PEX2: variants seen among roughly 807,000 people sequenced by gnomAD.
PEX2 encodes the protein peroxisomal biogenesis factor 2.
PEX2 carries 19 observed loss-of-function variants against 25.2 expected under a neutral mutation model. The ratio of observed to expected loss-of-function variants is 0.75; its 90% CI spans 0.53 to 1.10. PEX2 has a LOEUF of 1.10. PEX2 is among the 50% of genes least tolerant of loss of function. The probability of loss-of-function intolerance (pLI) is 0.00; values close to 1 mark genes in which losing one functional copy is unlikely to be tolerated. For missense variants in PEX2, 347 were observed against 350.6 expected, an observed-to-expected ratio of 0.99 and a Z score of 0.08; for synonymous variants, 141 against 127.7, an observed-to-expected ratio of 1.10 and a Z score of -0.70.
At chr8:76,984,312 G>A (rs1215079221) in intron 3 of PEX2, 117 bp from the exon 4 acceptor site, 17 of 747,922 alleles carry the variant, frequency 2.3e-5, no homozygotes, top group Admixed American at 7.2e-5. Flanking sequence ...GGCGATGAGC[G>A]TTTCAGTAGT....
In PEX2 at chr8:76,981,406, T is replaced by C. The variant is rs2132040227; in HGVS notation, c.*1855A>G. 1.3e-5 allele frequency: 2 copies of C among 152,324 alleles called. No homozygotes were observed. Among genetic ancestry groups the C allele is most frequent in the East Asian group, 1.9e-4 (1 of 5,174 alleles). The allele number at this position is 152,324 out of a possible 1,614,324, so 9.4% of individuals were successfully genotyped here. On this transcript the variant is annotated 3_prime_UTR_variant, in exon 4 of 4. Coordinates refer to ENST00000357039, the MANE Select transcript of PEX2 (RefSeq NM_000318.3). ...GAGCCCTGGGAGGGAAAGGCTGCGG[T>C]TAGCCATGATCACACCACTGCACTC...
chr8:76,983,835 C>T lies in PEX2; in HGVS notation c.344G>A (p.Trp115Ter), dbSNP rs749021234. The T allele has an allele frequency of 6.2e-7, 1 of 1,614,068 alleles. No homozygotes were observed. Among genetic ancestry groups the T allele is most frequent in the South Asian group, 1.1e-5 (1 of 91,066 alleles). Residue 115 changes from tryptophan to a stop codon, truncating the protein, a stop_gained, in exon 4 of 4, where the codon TGG becomes TAG. Coordinates refer to ENST00000357039, the MANE Select transcript of PEX2 (RefSeq NM_000318.3). LOFTEE classifies it high-confidence loss of function. Reference protein sequence around the residue: ...WYAVCTIGGRWLEERCYDLFR... With the variant: ...WYAVCTIGGR ...CAAATCATAGCATCGTTCTTCTAAC[C>T]ACCTGCCACCAATTGTACAAACAGC... is the stretch of plus-strand genomic sequence containing the variant.
chr8:76,990,515 T>G (rs1035849829), intron 1 of PEX2, among the ~76,000 whole-genome samples: 2 of 152,208 alleles, frequency 1.3e-5, no homozygotes, highest in South Asian at 2.1e-4. Context: ...GATTTTGATT[T>G]AAAGTGAGAG....
intron 1 of PEX2, among the ~76,000 whole-genome samples, chr8:76,997,329 T>C (rs992111059): frequency 1.3e-5 from 2 of 152,118 alleles, no homozygotes; most frequent in East Asian, 3.9e-4. Flanking sequence ...AAAAGACAAG[T>C]GGGCCGAGGT....
intron 1 of PEX2, among the ~76,000 whole-genome samples, chr8:76,993,747 C>T (rs1807241351): frequency 6.6e-6 from 1 of 152,120 alleles, no homozygotes; most frequent in Non-Finnish European, 1.5e-5. Flanking sequence ...TCCTATTCTA[C>T]CTTTTCATAC....
Position 77,000,013 on chromosome 8 carries a change from C to A in PEX2, c.-183G>T, listed in dbSNP as rs568404564. ...ACCTTAGGAGTCTGCGAAACGCCCA[C>A]GCTCCACGTAACTTTCTCTGAAACA... is the stretch of plus-strand genomic sequence containing the variant. On this transcript the variant is annotated 5_prime_UTR_variant, in exon 1 of 4. Coordinates refer to ENST00000357039, the MANE Select transcript of PEX2 (RefSeq NM_000318.3). 1.4e-3 allele frequency: 653 copies of A among 454,648 alleles called. 1 individual carries two copies. Among genetic ancestry groups the A allele is most frequent in the Non-Finnish European group, 2.3e-3 (520 of 226,144 alleles). The allele number at this position is 454,648 out of a possible 1,614,324, so 28.2% of individuals were successfully genotyped here. A position where few individuals can be genotyped will look rare whatever the true frequency, so the allele number is the denominator to read the frequency against.
chr8:76,985,690 T>TTTTAA lies in PEX2; in HGVS notation c.-18+496_-18+497insTTAAA, dbSNP rs1563607901. On this transcript the variant is annotated intron_variant, in intron 3 of 3. Transcript: ENST00000357039. Reference sequence around the variant, plus strand: ...GGCTTGATTATCATGTCTAGGCCTTTAAAAAGCCAATACCCTAACAGAAAG... The same window carrying TTTTAA: ...GGCTTGATTATCATGTCTAGGCCTTTTTTAAAAAAAGCCAATACCCTAACAGAAAG... Among the ~76,000 whole-genome samples the TTTTAA allele has an allele frequency of 1.6e-4, 24 of 152,270 alleles. No individual in the cohort carries two copies. The South Asian group carries it at 4.8e-3, about 30-fold the overall frequency.
At chr8:76,988,241 GCTC>G (rs1807062313) in intron 2 of PEX2, 63 bp downstream of exon 2, 1 of 152,134 alleles carries the variant, frequency 6.6e-6, no homozygotes, top group Non-Finnish European at 1.5e-5. Flanking sequence ...TGTGGTCTCT[GCTC>G]CTCTAGTCTA....
intron 1 of PEX2, among the ~76,000 whole-genome samples, chr8:76,990,540 C>T (rs1807138600): frequency 6.6e-6 from 1 of 152,138 alleles, no homozygotes; most frequent in African/African-American, 2.4e-5. Flanking sequence ...ACAACCCTTC[C>T]TTTCACTTGA....
At chr8:76,992,581 TACA>T (rs754114783) in intron 1 of PEX2, among the ~76,000 whole-genome samples, 6 of 152,254 alleles carry the variant, frequency 3.9e-5, no homozygotes, top group South Asian at 2.1e-4. Context: ...TCTACAGCAG[TACA>T]ACAAGATTTG....
At position 76,983,730 on chromosome 8, in the gene PEX2, C is replaced by G. The variant is rs543317672; in HGVS notation, c.449G>C (p.Gly150Ala). 5.6e-6 allele frequency: 9 copies of G among 1,613,910 alleles called. No individual in the cohort carries two copies. The South Asian group carries it at 8.8e-5, about 16-fold the overall frequency. The change falls in exon 4 of 4, where the codon GGG (glycine) becomes GCG (alanine). Residue 150 changes from glycine (G) to alanine (A), a missense_variant. Gly to Ala is a moderately conservative substitution (Grantham distance 60). Transcript: ENST00000357039. ...NFVIGLLKLG[G>A]LINFLIFLQR... Reference sequence around the variant, plus strand: ...AAGGAAAATCAAAAAATTAATCAGCCCACCTAATTTCAAAAGTCCAATCAC... The same window carrying G: ...AAGGAAAATCAAAAAATTAATCAGCGCACCTAATTTCAAAAGTCCAATCAC...
intron 1 of PEX2, 85 bp downstream of exon 1, chr8:76,999,905 A>C (rs1284129708): frequency 2.2e-6 from 1 of 456,626 alleles, no homozygotes; most frequent in Non-Finnish European, 4.4e-6. Flanking sequence ...AACGGCGACA[A>C]TTACAAGGTC....
chr8:76,990,812 A>T (rs150396257), intron 1 of PEX2, among the ~76,000 whole-genome samples: 64 of 152,160 alleles, frequency 4.2e-4, no homozygotes, highest in African/African-American at 1.5e-3. Context: ...ATATCATAAT[A>T]AAAAAAAGTC....
intron 2 of PEX2, 162 bp downstream of exon 2, chr8:76,988,145 C>T (rs1464187949): frequency 1.3e-5 from 2 of 152,180 alleles, no homozygotes; most frequent in Admixed American, 1.3e-4. Context: ...TTTTTAACTG[C>T]TAACAGATAT....
intron 1 of PEX2, among the ~76,000 whole-genome samples, chr8:76,989,490 A>T (rs1807100649): frequency 6.6e-6 from 1 of 152,172 alleles, no homozygotes; most frequent in Admixed American, 6.6e-5. Context: ...GATCCATCAG[A>T]GAAATTGCTA....
chr8:76,985,277 G>C (rs185035783), intron 3 of PEX2, among the ~76,000 whole-genome samples: 64 of 152,134 alleles, frequency 4.2e-4, no homozygotes, highest in Non-Finnish European at 7.8e-4. Flanking sequence ...TATTGAAACA[G>C]AGAGTAAAAT....
In PEX2 at chr8:76,983,674, G is replaced by A. The variant is rs752394595; in HGVS notation, c.505C>T (p.Arg169Cys). ...AATACAGAATGAATACCTAGGAGACGTTCTGTCAAAGTTGCAAACTTTCCC... is the reference window on the plus strand; with the variant it reads ...AATACAGAATGAATACCTAGGAGACATTCTGTCAAAGTTGCAAACTTTCCC... ...QRGKFATLTE[R>C]LLGIHSVFCK... is the part of the protein sequence containing the mutation. Residue 169 changes from arginine to cysteine, a missense_variant, in exon 4 of 4, where the codon CGT becomes TGT. Arg to Cys is a radical substitution (Grantham distance 180). Coordinates refer to ENST00000357039, the MANE Select transcript of PEX2 (RefSeq NM_000318.3). 6 of 1,614,098 alleles carry A rather than the reference G, an allele frequency of 3.7e-6. No homozygotes were observed. The highest frequency in any genetic ancestry group is 2.2e-5 in the East Asian group (1 of 44,886).
chr8:76,981,194 G>C lies in PEX2; in HGVS notation c.*2067C>G, dbSNP rs984362612. 1 of 152,256 alleles carries C rather than the reference G, an allele frequency of 6.6e-6. No homozygotes were observed. The highest frequency in any genetic ancestry group is 1.5e-5 in the Non-Finnish European group (1 of 68,070). 9.4% of individuals were successfully genotyped at this position (152,256 alleles called of 1,614,324 possible). On this transcript the variant is annotated 3_prime_UTR_variant, in exon 4 of 4. Transcript: ENST00000357039. Reference sequence around the variant, plus strand: ...GCATTTTAAAAATATATTATGGCTGGGTGCAGTGGCTCATGCCTGTAATCC... The same window carrying C: ...GCATTTTAAAAATATATTATGGCTGCGTGCAGTGGCTCATGCCTGTAATCC...
Position 76,983,554 on chromosome 8 carries a change from G to T in PEX2, c.625C>A (p.Pro209Thr). The part of the protein sequence containing the change: ...GFAEFLIFLL[P>T]LINVQKLKAK... ...TTCAACTTCTGGACATTGATAAGTG[G>T]TAAGAGAAAAATCAGAAATTCAGCA... Residue 209 changes from proline to threonine, a missense_variant, in exon 4 of 4, where the codon CCA becomes ACA. Coordinates refer to ENST00000357039, the MANE Select transcript of PEX2 (RefSeq NM_000318.3). The T allele has an allele frequency of 1.2e-6, 2 of 1,613,998 alleles. No homozygotes were observed. Among genetic ancestry groups the T allele is most frequent in the African/African-American group, 1.3e-5 (1 of 75,022 alleles).
Sources: allele counts gnomAD v4.1 joint callset (sites outside exome capture counted in the v4.1 genomes callset), GRCh38; gene constraint gnomAD v4.1.1; transcripts MANE v1.5; gene names NCBI Gene and HGNC (gene_info 2026-07-23, HGNC 2026-07-21).